The following ANKRD11 variants were observed in gnomAD, a reference collection of about 807,000 sequenced individuals.
The protein encoded by ANKRD11 is ankyrin repeat domain-containing protein 11.
ANKRD11 carries 17 observed loss-of-function variants against 195.7 expected under a neutral mutation model. That is an observed-to-expected ratio of 0.09 (90% CI 0.06 to 0.13). ANKRD11 has a LOEUF of 0.13. Ranked by LOEUF, ANKRD11 falls within the 10% of genes least tolerant of loss-of-function variation. ANKRD11 has a pLI of 1.00. For synonymous variants in ANKRD11, 1,953 were observed against 1,528.1 expected (o/e 1.28, Z -6.49); for missense variants, 3,735 against 3,566.1 (o/e 1.05, Z -1.21).
intron 2 of ANKRD11, among the ~76,000 whole-genome samples, chr16:89,333,358 C>T (rs915266095): frequency 1.3e-5 from 2 of 152,196 alleles, no homozygotes; most frequent in Non-Finnish European, 2.9e-5. Context: ...CTGAGACCCC[C>T]CTGGACACAG....
chr16:89,416,722 G>A (rs2042325426), intron 2 of ANKRD11, among the ~76,000 whole-genome samples: 1 of 151,578 alleles, frequency 6.6e-6, no homozygotes, highest in South Asian at 2.1e-4. Context: ...TTGAGAGCAG[G>A]GGTTCAAGAC....
At chr16:89,449,192 A>C (rs1181009695) in intron 1 of ANKRD11, among the ~76,000 whole-genome samples, 2 of 151,584 alleles carry the variant, frequency 1.3e-5, no homozygotes, top group East Asian at 3.9e-4. Context: ...CTCTACAAAA[A>C]AAAAAAAAAA....
At chr16:89,356,180 A>T (rs2039464375) in intron 2 of ANKRD11, among the ~76,000 whole-genome samples, 1 of 152,256 alleles carries the variant, frequency 6.6e-6, no homozygotes, top group East Asian at 1.9e-4. Flanking sequence ...GTTTCTGATC[A>T]TCTTTGTTTA....
chr16:89,450,752 C>G (rs924631907), intron 1 of ANKRD11, among the ~76,000 whole-genome samples: 2 of 152,230 alleles, frequency 1.3e-5, no homozygotes, highest in Non-Finnish European at 2.9e-5. Flanking sequence ...CTACCCCAGC[C>G]TCCAAAACTG....
At position 89,427,792 on chromosome 16, in the gene ANKRD11, C is replaced by CA. The variant is rs200243203; in HGVS notation, c.-144-9425dup. The stretch of plus-strand genomic sequence containing the variant: ...CCAGCCTGGGAGACAGAGTATGCCT[C>CA]AAAAAAAAAAAAGTCTAGTAATCGT... On this transcript the variant is annotated intron_variant, in intron 1 of 12. Coordinates refer to ENST00000301030, the MANE Select transcript of ANKRD11 (RefSeq NM_013275.6). 2.9e-3 allele frequency among the ~76,000 whole-genome samples: 379 copies of CA among 130,740 alleles called. 4 individuals are homozygous for CA. Among genetic ancestry groups the CA allele is most frequent in the African/African-American group, 2.2e-3 (78 of 35,312 alleles). 85.8% of individuals were successfully genotyped at this position (130,740 alleles called of 152,430 possible).
chr16:89,333,576 A>G (rs577019773), intron 2 of ANKRD11, among the ~76,000 whole-genome samples: 44 of 152,248 alleles, frequency 2.9e-4, no homozygotes, highest in African/African-American at 1.0e-3. Context: ...CTGTCTGCAC[A>G]GTTTTGCCCT....
At chr16:89,452,779 C>CA (rs11401095) in intron 1 of ANKRD11, among the ~76,000 whole-genome samples, 42,226 of 73,250 alleles carry the variant, frequency 0.58, 11,629 homozygotes, top group Middle Eastern at 0.7. Flanking sequence ...GACTCTATCT[C>CA]AAAAAAAAAA....
intron 1 of ANKRD11, among the ~76,000 whole-genome samples, chr16:89,478,228 C>T (rs3803682): frequency 0.51 from 77,131 of 151,862 alleles, 19,821 homozygotes; most frequent in East Asian, 0.69. Context: ...CAGAGAAACA[C>T]TCCCAGTGCC....
At chr16:89,415,110 T>C (rs2042241761) in intron 2 of ANKRD11, among the ~76,000 whole-genome samples, 1 of 151,914 alleles carries the variant, frequency 6.6e-6, no homozygotes, top group Admixed American at 6.6e-5. Flanking sequence ...CATGCCACCA[T>C]GCCTGGCTCA....
At chr16:89,376,030 C>A (rs1412260657) in intron 2 of ANKRD11, among the ~76,000 whole-genome samples, 2 of 152,204 alleles carry the variant, frequency 1.3e-5, no homozygotes, top group East Asian at 3.8e-4. Flanking sequence ...AAAAAAAGAA[C>A]AGGACATCCG....
intron 1 of ANKRD11, among the ~76,000 whole-genome samples, chr16:89,464,907 T>A (rs2056831543): frequency 6.6e-6 from 1 of 152,212 alleles, no homozygotes; most frequent in South Asian, 2.1e-4. Context: ...TCATCTACTA[T>A]GATTACTATG....
At position 89,280,155 on chromosome 16, in the gene ANKRD11, G is replaced by A; in HGVS notation, c.6387C>T (p.Asp2129=). ...PWADAFAGPE[D]DLDLGPFSLP... ...GGGAGAAGGGCCCCAGGTCCAGGTC[G>A]TCCTCGGGGCCGGCGAAGGCGTCCG... The change falls in exon 9 of 13, where the codon GAC becomes GAT. Residue 2129 remains aspartate (D), a synonymous_variant. Transcript: ENST00000301030. 3.7e-6 allele frequency: 6 copies of A among 1,610,884 alleles called. No individual in the cohort carries two copies. The highest frequency in any genetic ancestry group is 1.3e-5 in the African/African-American group (1 of 75,030).
chr16:89,475,511 T>C (rs769291018), intron 1 of ANKRD11, among the ~76,000 whole-genome samples: 2 of 152,202 alleles, frequency 1.3e-5, no homozygotes, highest in African/African-American at 4.8e-5. Context: ...GAAAAGAATT[T>C]TGATAAAGAA....
intron 2 of ANKRD11, among the ~76,000 whole-genome samples, chr16:89,335,545 C>T (rs1352109093): frequency 1.3e-5 from 2 of 152,228 alleles, no homozygotes; most frequent in East Asian, 1.9e-4. Flanking sequence ...AAAGCCTGTG[C>T]GTGCTGCCTC....
Position 89,429,172 on chromosome 16 carries a change from G to T in ANKRD11, c.-144-10804C>A, listed in dbSNP as rs1369865536. Among the ~76,000 whole-genome samples, 531 of 137,334 alleles carry T rather than the reference G, an allele frequency of 3.9e-3. 5 individuals carry two copies. The highest frequency in any genetic ancestry group is 0.015 in the African/African-American group (500 of 34,240). 90.1% of individuals were successfully genotyped at this position (137,334 alleles called of 152,430 possible). A position where few individuals can be genotyped will look rare whatever the true frequency, so the allele number is the denominator to read the frequency against. Reference sequence around the variant, plus strand: ...CTCAGACGTTCTAGTACACAGCAGGGATTCTCAACTCTCACGCTCAGACGT... The same window carrying T: ...CTCAGACGTTCTAGTACACAGCAGGTATTCTCAACTCTCACGCTCAGACGT... On this transcript the variant is annotated intron_variant, in intron 1 of 12. Transcript: ENST00000301030.
At chr16:89,384,487 C>T (rs139812375) in intron 2 of ANKRD11, among the ~76,000 whole-genome samples, 15 of 150,680 alleles carry the variant, frequency 1.0e-4, no homozygotes, top group Non-Finnish European at 2.2e-4. Flanking sequence ...GGGAATGGGA[C>T]GAGATGGAAA....
At chr16:89,407,110 C>T (rs111558266) in intron 2 of ANKRD11, among the ~76,000 whole-genome samples, 2 of 151,880 alleles carry the variant, frequency 1.3e-5, no homozygotes, top group East Asian at 1.9e-4. Flanking sequence ...CCCAGGTACT[C>T]GGGAGGCGGA....
In ANKRD11 at chr16:89,268,492, A is replaced by G; in HGVS notation, c.7978T>C (p.Leu2660=). 1 of 1,349,568 alleles carries G rather than the reference A, an allele frequency of 7.4e-7. No homozygotes were observed. The highest frequency in any genetic ancestry group is 1.3e-5 in the South Asian group (1 of 78,932). 83.6% of individuals were successfully genotyped at this position (1,349,568 alleles called of 1,614,324 possible). ...PMVDVNDDFV[L]LPA is the part of the protein sequence containing the mutation. Reference sequence around the variant, plus strand: ...GTCCCGCGGTGTCATGCCGGCAACAATACAAAGTCGTCGTTGACGTCGACC... The same window carrying G: ...GTCCCGCGGTGTCATGCCGGCAACAGTACAAAGTCGTCGTTGACGTCGACC... Residue 2660 remains leucine (L), a synonymous_variant, in exon 13 of 13, where the codon TTG becomes CTG. Transcript: ENST00000301030.
chr16:89,486,063 A>T (rs530976167), intron 1 of ANKRD11, among the ~76,000 whole-genome samples: 2 of 152,300 alleles, frequency 1.3e-5, no homozygotes, highest in East Asian at 3.9e-4. Flanking sequence ...CCACAAAGAC[A>T]ACTCTCCCTT....
Sources: allele counts gnomAD v4.1 joint callset (sites outside exome capture counted in the v4.1 genomes callset), GRCh38; gene constraint gnomAD v4.1.1; transcripts MANE v1.5; gene names NCBI Gene and HGNC (gene_info 2026-07-23, HGNC 2026-07-21).